Variants in GATAD2B observed in about 807,000 individuals in gnomAD.
GATAD2B encodes the protein GATA zinc finger domain containing 2B.
Under a neutral mutation model 64.3 loss-of-function variants are expected in GATAD2B, and 8 were observed. The observed-to-expected ratio is 0.12, with a 90% CI of 0.07 to 0.22. GATAD2B has a LOEUF of 0.22. Ranked by LOEUF, GATAD2B falls within the 10% of genes least tolerant of loss-of-function variation. The probability of loss-of-function intolerance (pLI) is 1.00; values close to 1 mark genes in which losing one functional copy is unlikely to be tolerated. For missense variants in GATAD2B, 453 were observed against 752.0 expected (o/e 0.60, Z 4.65); for synonymous variants, 281 against 271.3 (o/e 1.04, Z -0.35).
intron 1 of GATAD2B, among the ~76,000 whole-genome samples, chr1:153,898,070 G>A (rs1002147859): frequency 6.7e-6 from 1 of 150,108 alleles, no homozygotes; most frequent in Non-Finnish European, 1.5e-5. Flanking sequence ...CTGGGAGGCT[G>A]AGGCAGGCCA....
At chr1:153,852,405 T>A (rs914047162) in intron 1 of GATAD2B, 1 of 791,950 alleles carries the variant, frequency 1.3e-6, no homozygotes, top group African/African-American at 1.7e-5. Context: ...TGTTCTGTGG[T>A]CATCATGGAT....
intron 2 of GATAD2B, 152 bp downstream of exon 2, chr1:153,827,861 G>T: frequency 1.6e-6 from 1 of 641,852 alleles, no homozygotes; most frequent in Non-Finnish European, 2.7e-6. Flanking sequence ...GTTTCATTTG[G>T]AAATAAAATG....
At chr1:153,876,840 T>A (rs981763773) in intron 1 of GATAD2B, among the ~76,000 whole-genome samples, 1 of 150,978 alleles carries the variant, frequency 6.6e-6, no homozygotes, top group East Asian at 2.0e-4. Flanking sequence ...CCGTCTCTAC[T>A]AAAAATACAA....
intron 1 of GATAD2B, among the ~76,000 whole-genome samples, chr1:153,854,614 T>TA (rs760854633): frequency 6.6e-6 from 1 of 152,346 alleles, no homozygotes; most frequent in East Asian, 1.9e-4. Flanking sequence ...AAATAGTTGT[T>TA]ACATTTCATC....
intron 1 of GATAD2B, among the ~76,000 whole-genome samples, chr1:153,855,509 C>T (rs960691359): frequency 3.3e-5 from 5 of 152,068 alleles, no homozygotes; most frequent in African/African-American, 7.2e-5. Context: ...GGATTACGGG[C>T]GTGAGCCCAG....
chr1:153,897,228 ACT>A lies in GATAD2B; in HGVS notation c.-2+25503_-2+25504del, dbSNP rs573299773. 1.9e-3 allele frequency among the ~76,000 whole-genome samples: 284 copies of A among 152,032 alleles called. 2 individuals carry two copies. Among genetic ancestry groups the A allele is most frequent in the African/African-American group, 6.5e-3 (268 of 41,474 alleles). ...GTATTTTTAGTAGAGACGGGGTTTC[ACT>A]GTGTTAGCCAGGATGGTCTCGATCT... On this transcript the variant is annotated intron_variant, in intron 1 of 10. Coordinates refer to ENST00000368655, the MANE Select transcript of GATAD2B (RefSeq NM_020699.4).
At chr1:153,892,923 G>A (rs1228124236) in intron 1 of GATAD2B, among the ~76,000 whole-genome samples, 1 of 152,034 alleles carries the variant, frequency 6.6e-6, no homozygotes, top group Non-Finnish European at 1.5e-5. Flanking sequence ...TTGAACTCCT[G>A]ACCTCGTGAT....
At chr1:153,819,825 G>T in intron 2 of GATAD2B, 90 bp from the exon 3 acceptor site, 1 of 1,162,926 alleles carries the variant, frequency 8.6e-7, no homozygotes, top group Non-Finnish European at 1.2e-6. Context: ...GGGGCCGGGT[G>T]CGGTGGCTCA....
intron 2 of GATAD2B, among the ~76,000 whole-genome samples, chr1:153,821,299 T>C (rs550782398): frequency 9.2e-5 from 14 of 152,216 alleles, no homozygotes; most frequent in African/African-American, 2.9e-4. Flanking sequence ...ATGGATACTT[T>C]TGAACAGGGA....
At chr1:153,864,303 G>A (rs1247576452) in intron 1 of GATAD2B, among the ~76,000 whole-genome samples, 2 of 152,222 alleles carry the variant, frequency 1.3e-5, no homozygotes, top group African/African-American at 4.8e-5. Context: ...AATGAATGCT[G>A]ATTATCGGAA....
At chr1:153,813,153 G>T (rs1674350450) in intron 8 of GATAD2B, 97 bp downstream of exon 8, 2 of 855,530 alleles carry the variant, frequency 2.3e-6, no homozygotes, top group Non-Finnish European at 4.0e-6. Context: ...CTGTGGACCT[G>T]TAGGGATCAC....
rs1674188170 is a variant in GATAD2B at position 153,808,801 on chromosome 1, A to C, written c.*1376T>G. 1 of 145,462 alleles carries C rather than the reference A, an allele frequency of 6.9e-6. No individual in the cohort carries two copies. Among genetic ancestry groups the C allele is most frequent in the Admixed American group, 6.9e-5 (1 of 14,496 alleles). The allele number at this position is 145,462 out of a possible 1,614,324, so 9.0% of individuals were successfully genotyped here. A position where few individuals can be genotyped will look rare whatever the true frequency, so the allele number is the denominator to read the frequency against. ...TCATTCTCTACATTAGTAGCGCTTA[A>C]AAAAAAAAAAAAAAAAAAGGCAAAA... is the stretch of plus-strand genomic sequence containing the variant. On this transcript the variant is annotated 3_prime_UTR_variant, in exon 11 of 11. Transcript: ENST00000368655.
intron 1 of GATAD2B, among the ~76,000 whole-genome samples, chr1:153,879,727 C>T (rs978498527): frequency 7.0e-6 from 1 of 142,874 alleles, no homozygotes; most frequent in Non-Finnish European, 1.5e-5. Context: ...TGCGCCACTG[C>T]ACTCCAGCCT....
At chr1:153,844,640 T>C (rs918863817) in intron 1 of GATAD2B, among the ~76,000 whole-genome samples, 1 of 151,478 alleles carries the variant, frequency 6.6e-6, no homozygotes, top group Non-Finnish European at 1.5e-5. Context: ...GAAATCATCA[T>C]TCTCAGTAAA....
chr1:153,913,258 T>G (rs934316881), intron 1 of GATAD2B, among the ~76,000 whole-genome samples: 4 of 152,110 alleles, frequency 2.6e-5, no homozygotes, highest in African/African-American at 4.8e-5. Flanking sequence ...TTGATTTAAT[T>G]TCAAGACCTA....
At chr1:153,856,301 C>T (rs1006677188) in intron 1 of GATAD2B, among the ~76,000 whole-genome samples, 7 of 152,134 alleles carry the variant, frequency 4.6e-5, no homozygotes, top group East Asian at 1.9e-4. Context: ...GGAGTATAGA[C>T]ATCTTGGGAG....
At chr1:153,814,804 C>T (rs142192912) in intron 7 of GATAD2B, among the ~76,000 whole-genome samples, 1,775 of 151,626 alleles carry the variant, frequency 0.012, 30 homozygotes, top group African/African-American at 0.04. Flanking sequence ...TGTGAAACCC[C>T]GTCTCTAAGA....
At chr1:153,894,459 T>G (rs1463580711) in intron 1 of GATAD2B, among the ~76,000 whole-genome samples, 1 of 151,430 alleles carries the variant, frequency 6.6e-6, no homozygotes, top group Non-Finnish European at 1.5e-5. Context: ...CAGAGCAAGA[T>G]TCTGTCTCAA....
chr1:153,808,867 A>G lies in GATAD2B; in HGVS notation c.*1310T>C, dbSNP rs988049606. The G allele has an allele frequency of 6.6e-6, 1 of 151,888 alleles. No individual in the cohort carries two copies. The highest frequency in any genetic ancestry group is 6.6e-5 in the Admixed American group (1 of 15,222). 9.4% of individuals were successfully genotyped at this position (151,888 alleles called of 1,614,324 possible). On this transcript the variant is annotated 3_prime_UTR_variant, in exon 11 of 11. Coordinates refer to ENST00000368655, the MANE Select transcript of GATAD2B (RefSeq NM_020699.4). ...GGGCGGGCGGGGGGCAGTGGGAAGC[A>G]ACTATTTGTACAGCAGAGGTCCTAA...
Sources: gnomAD v4.1 joint callset for allele counts (sites outside exome capture counted in the v4.1 genomes callset) on GRCh38, gnomAD v4.1.1 for gene constraint, MANE v1.5 for transcripts, NCBI Gene and HGNC (gene_info 2026-07-23, HGNC 2026-07-21) for gene names.